BTC: variants seen among roughly 807,000 people sequenced by gnomAD.
The protein encoded by BTC is probetacellulin.
BTC carries 13 observed loss-of-function variants against 18.1 expected under a neutral mutation model. That is an observed-to-expected ratio of 0.72 (90% CI 0.47 to 1.14). The LOEUF (loss-of-function observed/expected upper bound fraction) is 1.14, where lower values mean the gene tolerates loss of function less well. BTC is among the 50% of genes most tolerant of loss of function. The pLI is 0.00. For synonymous variants in BTC, 83 were observed against 79.4 expected, an observed-to-expected ratio of 1.05 and a Z score of -0.24; for missense variants, 247 against 224.2, an observed-to-expected ratio of 1.10 and a Z score of -0.65.
At chr4:74,753,815 T>C (rs1310031380) in intron 3 of BTC, among the ~76,000 whole-genome samples, 1 of 108,018 alleles carries the variant, frequency 9.3e-6, no homozygotes, top group Admixed American at 1.0e-4. Context: ...CAAGACCTTC[T>C]CTCCAAAAAA....
At chr4:74,768,408 G>A (rs1724955412) in intron 2 of BTC, among the ~76,000 whole-genome samples, 1 of 152,152 alleles carries the variant, frequency 6.6e-6, no homozygotes, top group Non-Finnish European at 1.5e-5. Flanking sequence ...TACATCCATA[G>A]AATATTATTC....
At position 74,746,127 on chromosome 4, in the gene BTC, G is replaced by A. The variant is rs1489463167; in HGVS notation, c.*550C>T. ...AATGATGGTTAAGAGCATAGATTTT[G>A]ATTTAGATAAATCTTGATTTCTAGT... is the stretch of plus-strand genomic sequence containing the variant. On this transcript the variant is annotated 3_prime_UTR_variant, in exon 6 of 6. Coordinates refer to ENST00000395743, the MANE Select transcript of BTC (RefSeq NM_001729.4). 2.6e-5 allele frequency: 4 copies of A among 152,164 alleles called. No individual in the cohort carries two copies. Among genetic ancestry groups the A allele is most frequent in the African/African-American group, 7.2e-5 (3 of 41,444 alleles). The allele number at this position is 152,164 out of a possible 1,614,324, so 9.4% of individuals were successfully genotyped here. A position where few individuals can be genotyped will look rare whatever the true frequency, so the allele number is the denominator to read the frequency against.
chr4:74,750,175 C>G (rs72867526), intron 4 of BTC, among the ~76,000 whole-genome samples: 3,692 of 152,036 alleles, frequency 0.024, 159 homozygotes, highest in African/African-American at 0.084. Context: ...TCCTGATTTT[C>G]AAAGTTCTGG....
intron 3 of BTC, among the ~76,000 whole-genome samples, chr4:74,754,938 A>AACACACACACAC (rs33972204): frequency 1.4e-3 from 217 of 150,022 alleles, no homozygotes; most frequent in Middle Eastern, 6.9e-3. Context: ...TATCCCTCTC[A>AACACACACACAC]ACACACACAC....
intron 3 of BTC, 138 bp downstream of exon 3, chr4:74,755,721 C>A: frequency 1.3e-6 from 1 of 766,818 alleles, no homozygotes. Flanking sequence ...GGCCCCTAAA[C>A]AAGTGGCTGG....
intron 1 of BTC, among the ~76,000 whole-genome samples, chr4:74,788,596 T>C (rs1725542898): frequency 6.6e-6 from 1 of 152,230 alleles, no homozygotes; most frequent in African/African-American, 2.4e-5. Flanking sequence ...TAAACAGTAT[T>C]AGACATACTT....
chr4:74,783,942 C>T (rs905064121), intron 1 of BTC, among the ~76,000 whole-genome samples: 1 of 151,852 alleles, frequency 6.6e-6, no homozygotes, highest in Non-Finnish European at 1.5e-5. Context: ...TATAAGAATG[C>T]TAGGGATTAG....
intron 1 of BTC, among the ~76,000 whole-genome samples, chr4:74,787,379 A>G (rs1204554955): frequency 6.6e-6 from 1 of 152,214 alleles, no homozygotes; most frequent in East Asian, 1.9e-4. Flanking sequence ...AATTGATGTG[A>G]ATTAAGATTA....
intron 1 of BTC, among the ~76,000 whole-genome samples, chr4:74,780,913 TTTA>T (rs1163537869): frequency 6.6e-6 from 1 of 151,668 alleles, no homozygotes; most frequent in African/African-American, 2.4e-5. Context: ...TTTTTTTAAT[TTTA>T]TTATTATTAT....
At chr4:74,769,436 G>A (rs931970929) in intron 2 of BTC, among the ~76,000 whole-genome samples, 8 of 152,202 alleles carry the variant, frequency 5.3e-5, no homozygotes, top group South Asian at 2.1e-4. Context: ...TAGTGTCTAT[G>A]ACTGCTTTCA....
rs1724997881 is a variant in BTC, at chr4:74,770,063, CA to C, written c.157del (p.Cys53ValfsTer60). 1.2e-6 allele frequency: 2 copies of C among 1,605,296 alleles called. No homozygotes were observed. The highest frequency in any genetic ancestry group is 1.7e-6 in the Non-Finnish European group (2 of 1,177,160). Reference protein sequence around the residue: ...GLLCGDPEENCAATTTQSKRK... With the variant: ...GLLCGDPEENXAATTTQSKRK... The stretch of plus-strand genomic sequence containing the variant: ...TAAAACTTGTTAAACTTTACCTGCA[CA>C]GTTTTCCTCAGGGTCTCCACAGAGG... On this transcript the variant is annotated frameshift_variant, in exon 2 of 6. Coordinates refer to ENST00000395743, the MANE Select transcript of BTC (RefSeq NM_001729.4). LOFTEE classifies it high-confidence loss of function.
intron 3 of BTC, among the ~76,000 whole-genome samples, chr4:74,753,849 A>G (rs555051163): frequency 1.3e-5 from 2 of 152,344 alleles, no homozygotes; most frequent in East Asian, 3.9e-4. Flanking sequence ...ATTGTTCTTA[A>G]AAAGTGGGAA....
At chr4:74,760,893 C>T (rs1367868982) in intron 2 of BTC, among the ~76,000 whole-genome samples, 2 of 152,126 alleles carry the variant, frequency 1.3e-5, no homozygotes, top group Non-Finnish European at 2.9e-5. Context: ...CACCACCACG[C>T]CTGGCTAATT....
At chr4:74,779,402 AG>A (rs1725260819) in intron 1 of BTC, among the ~76,000 whole-genome samples, 1 of 152,186 alleles carries the variant, frequency 6.6e-6, no homozygotes, top group African/African-American at 2.4e-5. Flanking sequence ...TAAATTTAAT[AG>A]GAACTCCAAA....
intron 2 of BTC, among the ~76,000 whole-genome samples, chr4:74,761,374 T>C (rs551264660): frequency 6.6e-6 from 1 of 152,258 alleles, no homozygotes; most frequent in South Asian, 2.1e-4. Context: ...TGGATACTCT[T>C]TCATCTCTTC....
At chr4:74,771,217 G>A (rs1406676106) in intron 1 of BTC, among the ~76,000 whole-genome samples, 1 of 152,082 alleles carries the variant, frequency 6.6e-6, no homozygotes, top group Non-Finnish European at 1.5e-5. Flanking sequence ...AGATGGCTTA[G>A]GAATTAGCTG....
chr4:74,779,213 TA>T (rs1416616615), intron 1 of BTC, among the ~76,000 whole-genome samples: 2 of 152,166 alleles, frequency 1.3e-5, no homozygotes, highest in African/African-American at 2.4e-5. Flanking sequence ...TTTTAACTCA[TA>T]AAAGTACTTC....
intron 3 of BTC, among the ~76,000 whole-genome samples, chr4:74,753,651 C>A (rs750060172): frequency 6.6e-6 from 1 of 152,124 alleles, no homozygotes; most frequent in Non-Finnish European, 1.5e-5. Flanking sequence ...AGTGTTATCA[C>A]CAATGGCAAG....
At chr4:74,765,389 A>C (rs961493055) in intron 2 of BTC, among the ~76,000 whole-genome samples, 5 of 152,138 alleles carry the variant, frequency 3.3e-5, no homozygotes, top group African/African-American at 1.2e-4. Flanking sequence ...AGCGAAAGAC[A>C]GAATCAGCAA....
Sources: gnomAD v4.1 joint callset for allele counts (sites outside exome capture counted in the v4.1 genomes callset) on GRCh38, gnomAD v4.1.1 for gene constraint, MANE v1.5 for transcripts, NCBI Gene and HGNC (gene_info 2026-07-23, HGNC 2026-07-21) for gene names.